SOBP: variants seen among roughly 807,000 people sequenced by gnomAD.
SOBP encodes sine oculis binding protein homolog, also known as sine oculis-binding protein homolog.
A neutral mutation model predicts 53.6 loss-of-function variants in SOBP; 4 were observed. The observed-to-expected ratio is 0.07, with a 90% CI of 0.04 to 0.17. The LOEUF (loss-of-function observed/expected upper bound fraction) is 0.17. Among genes scored for constraint, SOBP ranks in the 10% least tolerant of loss-of-function variants. The pLI is 1.00. For synonymous variants in SOBP, 584 were observed against 522.6 expected (o/e 1.12, Z -1.60); for missense variants, 1,088 against 1,204.7 (o/e 0.90, Z 1.43).
chr6:107,655,391 G>A (rs1771989639), intron 6 of SOBP, among the ~76,000 whole-genome samples: 2 of 152,130 alleles, frequency 1.3e-5, no homozygotes, highest in Non-Finnish European at 2.9e-5. Context: ...AAATGAGGAT[G>A]CCTTCAATAC....
intron 4 of SOBP, among the ~76,000 whole-genome samples, chr6:107,575,298 A>G (rs1307628495): frequency 2.0e-5 from 3 of 152,206 alleles, no homozygotes; most frequent in Non-Finnish European, 4.4e-5. Flanking sequence ...CAATCATTAA[A>G]TCTTATTATT....
At position 107,533,517 on chromosome 6, in the gene SOBP, G is replaced by A; in HGVS notation, c.480G>A (p.Lys160=). 6.2e-7 allele frequency: 1 copy of A among 1,614,148 alleles called. No homozygotes were observed. The highest frequency in any genetic ancestry group is 8.5e-7 in the Non-Finnish European group (1 of 1,180,030). The part of the protein sequence containing the change: ...MCAWCQKVGI[K]RYSLSMGSEV... ...CCTGGTGCCAGAAAGTGGGAATCAAGCGCTATTCCCTGAGTATGGGAAGTG... is the reference window on the plus strand; with the variant it reads ...CCTGGTGCCAGAAAGTGGGAATCAAACGCTATTCCCTGAGTATGGGAAGTG... The change falls in exon 4 of 7, where the codon AAG becomes AAA. Residue 160 remains lysine, a synonymous_variant. Transcript: ENST00000317357.
intron 5 of SOBP, among the ~76,000 whole-genome samples, chr6:107,624,178 C>A (rs1770355105): frequency 6.6e-6 from 1 of 152,180 alleles, no homozygotes; most frequent in African/African-American, 2.4e-5. Context: ...CACATGCATT[C>A]TTGGGTGGCA....
chr6:107,645,655 G>A (rs1293617507), intron 6 of SOBP, among the ~76,000 whole-genome samples: 1 of 152,174 alleles, frequency 6.6e-6, no homozygotes, highest in Non-Finnish European at 1.5e-5. Context: ...TTGTAACCAA[G>A]TGCCTAGCAC....
At chr6:107,610,287 G>C (rs1339978989) in intron 5 of SOBP, among the ~76,000 whole-genome samples, 1 of 152,142 alleles carries the variant, frequency 6.6e-6, no homozygotes, top group African/African-American at 2.4e-5. Context: ...TGCAGAACTG[G>C]CTGTCTTCCT....
chr6:107,543,295 A>C (rs1583193052), intron 4 of SOBP, among the ~76,000 whole-genome samples: 2 of 152,256 alleles, frequency 1.3e-5, no homozygotes, highest in East Asian at 1.9e-4. Context: ...CAAGCTCCCC[A>C]GTGGTCATGG....
At chr6:107,644,235 CAG>C (rs5878926) in intron 6 of SOBP, among the ~76,000 whole-genome samples, 4,188 of 152,320 alleles carry the variant, frequency 0.027, 214 homozygotes, top group African/African-American at 0.097. Flanking sequence ...ACCTGAGAGA[CAG>C]AGGTTGCAGT....
In SOBP at chr6:107,661,235, C is replaced by T. The variant is rs532066157; in HGVS notation, c.*3032C>T. Reference sequence around the variant, plus strand: ...CCCCTTTTCCTCCTCTTCCTTCTCACGATCTTACTGCTGTCTGAATGCACA... The same window carrying T: ...CCCCTTTTCCTCCTCTTCCTTCTCATGATCTTACTGCTGTCTGAATGCACA... On this transcript the variant is annotated 3_prime_UTR_variant, in exon 7 of 7. Coordinates refer to ENST00000317357, the MANE Select transcript of SOBP (RefSeq NM_018013.4). 1.3e-5 allele frequency among the ~76,000 whole-genome samples: 2 copies of T among 152,284 alleles called. No individual in the cohort carries two copies. The highest frequency in any genetic ancestry group is 2.1e-4 in the South Asian group (1 of 4,830).
At chr6:107,639,178 C>T (rs996214814) in intron 6 of SOBP, among the ~76,000 whole-genome samples, 2 of 152,212 alleles carry the variant, frequency 1.3e-5, no homozygotes, top group African/African-American at 4.8e-5. Context: ...GTTGGGATTA[C>T]AGGTGTGAGC....
chr6:107,605,698 C>T (rs368615373), intron 5 of SOBP, among the ~76,000 whole-genome samples: 2 of 152,222 alleles, frequency 1.3e-5, no homozygotes, highest in African/African-American at 4.8e-5. Flanking sequence ...GTTCAAAATT[C>T]ACGAAATACA....
At chr6:107,526,054 T>A (rs927493991) in intron 3 of SOBP, among the ~76,000 whole-genome samples, 1 of 152,080 alleles carries the variant, frequency 6.6e-6, no homozygotes, top group Non-Finnish European at 1.5e-5. Context: ...TTCAAGCGAT[T>A]CTCCTGCCTC....
chr6:107,608,740 T>C (rs1786483051), intron 5 of SOBP, among the ~76,000 whole-genome samples: 1 of 152,224 alleles, frequency 6.6e-6, no homozygotes, highest in Non-Finnish European at 1.5e-5. Flanking sequence ...AAGAGACAGA[T>C]ACTGCCCTCA....
chr6:107,541,291 A>G (rs930231214), intron 4 of SOBP, among the ~76,000 whole-genome samples: 1 of 152,202 alleles, frequency 6.6e-6, no homozygotes, highest in Non-Finnish European at 1.5e-5. Context: ...ATACTGATTT[A>G]TGAGAGAGCT....
intron 5 of SOBP, among the ~76,000 whole-genome samples, chr6:107,599,127 C>T (rs1005989440): frequency 1.3e-5 from 2 of 152,134 alleles, no homozygotes; most frequent in Non-Finnish European, 2.9e-5. Context: ...TGTGTATACC[C>T]TGGAAACACT....
chr6:107,499,803 G>A (rs929403109), intron 1 of SOBP, among the ~76,000 whole-genome samples: 1 of 152,170 alleles, frequency 6.6e-6, no homozygotes, highest in Non-Finnish European at 1.5e-5. Flanking sequence ...GATTTTGAGG[G>A]AGGCAGATAT....
chr6:107,656,347 A>AAG (rs1178502947), intron 6 of SOBP, among the ~76,000 whole-genome samples: 6 of 39,148 alleles, frequency 1.5e-4, no homozygotes, highest in Non-Finnish European at 4.3e-4. Flanking sequence ...AAGAAAGAGA[A>AAG]AGAAAGAAAG....
At chr6:107,616,079 G>A (rs1355021284) in intron 5 of SOBP, among the ~76,000 whole-genome samples, 1 of 106,908 alleles carries the variant, frequency 9.4e-6, no homozygotes, top group Non-Finnish European at 1.8e-5. Context: ...ATTGAGGAAG[G>A]GGGGTGGGGG....
At chr6:107,656,519 A>G (rs903253904) in intron 6 of SOBP, among the ~76,000 whole-genome samples, 7 of 152,172 alleles carry the variant, frequency 4.6e-5, no homozygotes, top group Non-Finnish European at 7.3e-5. Context: ...TTTAATATAC[A>G]TATTAAGTAC....
chr6:107,625,075 A>G lies in SOBP; in HGVS notation c.670-8439A>G, dbSNP rs962034458. Among the ~76,000 whole-genome samples, 4 of 152,328 alleles carry G rather than the reference A, an allele frequency of 2.6e-5. No homozygotes were observed. In the South Asian group the frequency reaches 8.3e-4, roughly 32 times the overall value. Reference sequence around the variant, plus strand: ...TAACCTATCTAACCCCCAGTTACCTATATGATAAGGTATTTGTGGAGGTTC... The same window carrying G: ...TAACCTATCTAACCCCCAGTTACCTGTATGATAAGGTATTTGTGGAGGTTC... On this transcript the variant is annotated intron_variant, in intron 5 of 6. Transcript: ENST00000317357.
Sources: allele counts gnomAD v4.1 joint callset (sites outside exome capture counted in the v4.1 genomes callset), GRCh38; gene constraint gnomAD v4.1.1; transcripts MANE v1.5; gene names NCBI Gene and HGNC (gene_info 2026-07-23, HGNC 2026-07-21).